The following MAGI2 variants were observed in gnomAD, a reference collection of about 807,000 sequenced individuals.
The protein encoded by MAGI2 is membrane associated guanylate kinase, WW and PDZ domain containing 2.
MAGI2 carries 35 observed loss-of-function variants against 133.3 expected under a neutral mutation model. The ratio of observed to expected loss-of-function variants is 0.26; its 90% CI spans 0.20 to 0.35. The LOEUF (loss-of-function observed/expected upper bound fraction) is 0.35. MAGI2 is among the 10% of genes least tolerant of loss of function. The probability of loss-of-function intolerance (pLI) is 1.00; values close to 1 mark genes in which losing one functional copy is unlikely to be tolerated. For synonymous variants in MAGI2, 729 were observed against 710.6 expected (o/e 1.03, Z -0.41); for missense variants, 1,636 against 1,863.4 (o/e 0.88, Z 2.25).
rs186802800 is a variant in MAGI2, at chr7:78,344,380, C to T, written c.1226-420G>A. ...CAGGTAGGAGGTATGTGTCAGTGGCCGATCCTAAACTAAGCCTTGAAGAAA... is the reference window on the plus strand; with the variant it reads ...CAGGTAGGAGGTATGTGTCAGTGGCTGATCCTAAACTAAGCCTTGAAGAAA... On this transcript the variant is annotated intron_variant, in intron 8 of 21. Transcript: ENST00000354212. Among the ~76,000 whole-genome samples the T allele has an allele frequency of 2.2e-3, 338 of 152,060 alleles. 1 individual carries two copies. Among genetic ancestry groups the T allele is most frequent in the Non-Finnish European group, 3.6e-3 (242 of 67,988 alleles).
chr7:79,126,169 T>C (rs1366648128), intron 1 of MAGI2, among the ~76,000 whole-genome samples: 1 of 152,132 alleles, frequency 6.6e-6, no homozygotes. Context: ...TTTAAAAAAA[T>C]AGAGGAAGAT....
At chr7:78,209,147 G>A (rs111755450) in intron 10 of MAGI2, among the ~76,000 whole-genome samples, 17,624 of 59,472 alleles carry the variant, frequency 0.3, 3,348 homozygotes, top group East Asian at 0.49. Flanking sequence ...GCGTGAACCC[G>A]GGAGGCGGAG....
chr7:78,109,240 C>A (rs1251492062), intron 20 of MAGI2, among the ~76,000 whole-genome samples: 1 of 114,606 alleles, frequency 8.7e-6, no homozygotes, highest in African/African-American at 3.4e-5. Context: ...GGAGGCGGAG[C>A]TTGCAGTGAG....
intron 1 of MAGI2, among the ~76,000 whole-genome samples, chr7:79,041,804 A>G (rs1317331888): frequency 1.3e-5 from 2 of 152,160 alleles, no homozygotes; most frequent in Non-Finnish European, 2.9e-5. Context: ...ATATGTGTAT[A>G]TATAACAAAA....
chr7:78,292,158 T>C (rs1311568416), intron 9 of MAGI2, among the ~76,000 whole-genome samples: 1 of 152,214 alleles, frequency 6.6e-6, no homozygotes, highest in Admixed American at 6.5e-5. Context: ...TGTTTGCAGA[T>C]GACATGATTG....
intron 16 of MAGI2, chr7:78,159,668 A>G (rs1824770604): frequency 6.1e-6 from 1 of 163,030 alleles, no homozygotes; most frequent in Non-Finnish European, 1.3e-5. Context: ...TTCTCAATCA[A>G]GTTACTTACA....
At chr7:78,968,968 T>C (rs1803554074) in intron 2 of MAGI2, among the ~76,000 whole-genome samples, 1 of 152,044 alleles carries the variant, frequency 6.6e-6, no homozygotes, top group African/African-American at 2.4e-5. Context: ...CCAAACCATT[T>C]CTTTTCTAAT....
chr7:78,572,790 G>C (rs995699535), intron 3 of MAGI2, among the ~76,000 whole-genome samples: 3 of 151,616 alleles, frequency 2.0e-5, no homozygotes, highest in Admixed American at 2.0e-4. Context: ...AGCCACCCAA[G>C]TAGCTGGGAT....
chr7:78,197,983 C>G (rs1828883630), intron 11 of MAGI2: 1 of 152,526 alleles, frequency 6.6e-6, no homozygotes, highest in African/African-American at 2.4e-5. Flanking sequence ...ACTTTGGTCT[C>G]TGGACTTTTG....
At chr7:78,521,751 T>C (rs1464848475) in intron 3 of MAGI2, 106 bp from the exon 4 acceptor site, 1 of 831,844 alleles carries the variant, frequency 1.2e-6, no homozygotes, top group Non-Finnish European at 2.0e-6. Flanking sequence ...CTATTTTATA[T>C]GTACATACAT....
chr7:78,486,868 A>C (rs572340659), intron 6 of MAGI2: 2 of 505,476 alleles, frequency 4.0e-6, no homozygotes, highest in East Asian at 1.1e-4. Flanking sequence ...CAGAGGTGGC[A>C]CAATTGCCTG....
intron 2 of MAGI2, among the ~76,000 whole-genome samples, chr7:78,943,053 G>A (rs992450): frequency 0.062 from 9,386 of 152,064 alleles, 429 homozygotes; most frequent in Non-Finnish European, 0.09. Context: ...AATAAGCATG[G>A]GCATGCTATT....
chr7:78,892,765 C>T (rs991688687), intron 2 of MAGI2, among the ~76,000 whole-genome samples: 21 of 152,190 alleles, frequency 1.4e-4, no homozygotes, highest in African/African-American at 4.6e-4. Flanking sequence ...AGACCCAAAA[C>T]CATAAAAACC....
intron 6 of MAGI2, among the ~76,000 whole-genome samples, chr7:78,377,653 T>TAATAAAA (rs1046163407): frequency 2.7e-5 from 4 of 150,528 alleles, no homozygotes; most frequent in African/African-American, 4.9e-5. Context: ...ATAATAATAA[T>TAATAAAA]AATAAAAAAT....
At chr7:78,995,185 A>C (rs1468785256) in intron 2 of MAGI2, among the ~76,000 whole-genome samples, 1 of 152,066 alleles carries the variant, frequency 6.6e-6, no homozygotes, top group Non-Finnish European at 1.5e-5. Context: ...AAAAAATCAC[A>C]AAAAAATCTC....
chr7:78,831,971 A>AT (rs1219196064), intron 2 of MAGI2, among the ~76,000 whole-genome samples: 1 of 152,178 alleles, frequency 6.6e-6, no homozygotes, highest in Non-Finnish European at 1.5e-5. Context: ...AATTGGTGAC[A>AT]TTTTTAGGCT....
intron 13 of MAGI2, among the ~76,000 whole-genome samples, chr7:78,185,218 G>C (rs1236921989): frequency 6.6e-6 from 1 of 152,080 alleles, no homozygotes; most frequent in Non-Finnish European, 1.5e-5. Flanking sequence ...TTTGGGTACT[G>C]TCTTTGAAAT....
chr7:78,731,358 T>C (rs1821352885), intron 2 of MAGI2, among the ~76,000 whole-genome samples: 1 of 152,146 alleles, frequency 6.6e-6, no homozygotes, highest in African/African-American at 2.4e-5. Flanking sequence ...TTATCTCTAC[T>C]TGGTTTCTCC....
chr7:79,247,770 G>A (rs771016815), intron 1 of MAGI2, among the ~76,000 whole-genome samples: 7 of 152,114 alleles, frequency 4.6e-5, no homozygotes, highest in African/African-American at 1.2e-4. Flanking sequence ...GTTTGTTTAT[G>A]CAATATGTGT....
Sources: gnomAD v4.1 joint callset for allele counts (sites outside exome capture counted in the v4.1 genomes callset) on GRCh38, gnomAD v4.1.1 for gene constraint, MANE v1.5 for transcripts, NCBI Gene and HGNC (gene_info 2026-07-23, HGNC 2026-07-21) for gene names.